The following COX11 variants were observed in gnomAD, a reference collection of about 807,000 sequenced individuals.
COX11 encodes the protein cytochrome c oxidase assembly protein COX11, mitochondrial.
COX11 carries 18 observed loss-of-function variants against 29.4 expected under a neutral mutation model. That is an observed-to-expected ratio of 0.61 (90% CI 0.42 to 0.91). COX11 has a LOEUF of 0.91. COX11 is among the 40% of genes least tolerant of loss of function. The pLI, the probability that COX11 is intolerant of heterozygous loss-of-function variation, is 0.00. For missense variants in COX11, 312 were observed against 346.0 expected (o/e 0.90, Z 0.78); for synonymous variants, 131 against 124.0 (o/e 1.06, Z -0.38).
intron 1 of COX11, among the ~76,000 whole-genome samples, chr17:54,966,536 C>T (rs9915372): frequency 0.014 from 2,204 of 152,218 alleles, 59 homozygotes; most frequent in African/African-American, 0.05. Context: ...AGTAGCATTC[C>T]TAGCCTCTAC....
chr17:54,958,673 T>C (rs564184335), downstream of COX11, among the ~76,000 whole-genome samples: 38 of 136,868 alleles, frequency 2.8e-4, no homozygotes, highest in Middle Eastern at 3.9e-3. Flanking sequence ...GAGGCTGCAG[T>C]GAGCTGAGAT....
At position 54,961,260 on chromosome 17, in the gene COX11, C is replaced by T. The variant is rs762904804; in HGVS notation, c.*1473G>A. 17 of 1,550,654 alleles carry T rather than the reference C, an allele frequency of 1.1e-5. No homozygotes were observed. The South Asian group carries it at 1.7e-4, about 15-fold the overall frequency. On this transcript the variant is annotated 3_prime_UTR_variant, in exon 4 of 4. Transcript: ENST00000299335. ...AAGAAAGTGGATGATCAGCTCACTACCACATCAAAGGTGCCAACTCTCTAA... is the reference window on the plus strand; with the variant it reads ...AAGAAAGTGGATGATCAGCTCACTATCACATCAAAGGTGCCAACTCTCTAA...
Position 54,960,680 on chromosome 17 carries a change from T to C in COX11, c.*2053A>G. On this transcript the variant is annotated 3_prime_UTR_variant, in exon 4 of 4. Transcript: ENST00000299335. ...TTCCATATTCCATATAATTTCAGTA[T>C]AATTATCACTTTACATATTTAGTAT... is the stretch of plus-strand genomic sequence containing the variant. 1 of 1,334,046 alleles carries C rather than the reference T, an allele frequency of 7.5e-7. No homozygotes were observed. Among genetic ancestry groups the C allele is most frequent in the Non-Finnish European group, 1.1e-6 (1 of 928,448 alleles). 82.6% of individuals were successfully genotyped at this position (1,334,046 alleles called of 1,614,324 possible). A position where few individuals can be genotyped will look rare whatever the true frequency, so the allele number is the denominator to read the frequency against.
At chr17:54,962,986 TTA>T in intron 3 of COX11, 71 bp from the exon 4 acceptor site, 1 of 1,341,632 alleles carries the variant, frequency 7.5e-7, no homozygotes, top group East Asian at 2.3e-5. Context: ...TACAGTTCTT[TTA>T]TCTTAGCATT....
exon 1 of COX11, chr17:54,954,332 T>C (rs534569399): frequency 6.6e-6 from 1 of 152,306 alleles, no homozygotes; most frequent in East Asian, 1.9e-4. Context: ...TTTCCAGTTA[T>C]ACAAGTCAAC....
chr17:54,961,438 A>C lies in COX11; in HGVS notation c.*1295T>G. 1 of 1,503,426 alleles carries C rather than the reference A, an allele frequency of 6.7e-7. No individual in the cohort carries two copies. Among genetic ancestry groups the C allele is most frequent in the South Asian group, 1.3e-5 (1 of 78,108 alleles). 93.1% of individuals were successfully genotyped at this position (1,503,426 alleles called of 1,614,324 possible). ...GACAACAGCGTGAGATTTCAACAGAACTTGTTTGGAACAAATACTCACTTA... is the reference window on the plus strand; with the variant it reads ...GACAACAGCGTGAGATTTCAACAGACCTTGTTTGGAACAAATACTCACTTA... On this transcript the variant is annotated 3_prime_UTR_variant, in exon 4 of 4. Transcript: ENST00000299335.
exon 1 of COX11, chr17:54,955,095 G>A (rs544262980): frequency 6.6e-6 from 1 of 152,266 alleles, no homozygotes; most frequent in East Asian, 1.9e-4. Flanking sequence ...ACAGTCTGAG[G>A]GGCTTCCAAA....
chr17:54,964,851 G>C lies in COX11; in HGVS notation c.368C>G (p.Thr123Ser), dbSNP rs1275122448. The C allele has an allele frequency of 6.2e-7, 1 of 1,611,678 alleles. No homozygotes were observed. The highest frequency in any genetic ancestry group is 1.1e-5 in the South Asian group (1 of 90,868). Residue 123 changes from threonine (T) to serine (S), a missense_variant and splice_region_variant, in exon 2 of 4, where the codon ACT becomes AGT. By Grantham distance (58) the Thr-to-Ser change is moderately conservative. Coordinates refer to ENST00000299335, the MANE Select transcript of COX11 (RefSeq NM_004375.5). ...AVPLYRLYCQ[T>S]TGLGGSAVAG... is the part of the protein sequence containing the mutation. Reference sequence around the variant, plus strand: ...AACTGCTGATCCTCCAAGTCCAGTAGTCTAGAAAAAGATACCAAATATGTT... The same window carrying C: ...AACTGCTGATCCTCCAAGTCCAGTACTCTAGAAAAAGATACCAAATATGTT...
chr17:54,965,382 T>G (rs17745279), intron 1 of COX11, among the ~76,000 whole-genome samples: 42,414 of 152,150 alleles, frequency 0.28, 6,131 homozygotes, highest in South Asian at 0.31. Context: ...ACAGGTATTT[T>G]CCCACGTTGG....
upstream of COX11, chr17:54,968,754 C>T (rs1487178650): frequency 5.2e-6 from 7 of 1,335,552 alleles, no homozygotes; most frequent in East Asian, 1.6e-4. Flanking sequence ...GCCTTGGCTA[C>T]CAGGCTCCTC....
At chr17:54,957,425 T>A (rs988426147), downstream of COX11, 1 of 152,240 alleles carries the variant, frequency 6.6e-6, no homozygotes, top group Non-Finnish European at 1.5e-5. Context: ...GTTTTTTTAA[T>A]CAGTTTCTCC....
intron 1 of COX11, among the ~76,000 whole-genome samples, chr17:54,966,773 C>T (rs1184540395): frequency 6.6e-6 from 1 of 152,196 alleles, no homozygotes; most frequent in East Asian, 1.9e-4. Flanking sequence ...ACATTCTATA[C>T]TCATCCTCAA....
upstream of COX11, chr17:54,968,772 A>G: frequency 3.5e-6 from 4 of 1,148,386 alleles, no homozygotes; most frequent in Non-Finnish European, 4.9e-6. Context: ...CTCAGGTGGC[A>G]GCGCTTGCAG....
chr17:54,963,155 G>T, intron 3 of COX11, 151 bp downstream of exon 3: 2 of 894,738 alleles, frequency 2.2e-6, no homozygotes, highest in Non-Finnish European at 3.4e-6. Context: ...CTCAATCTCT[G>T]CATAGCAGGT....
upstream of COX11, chr17:54,968,670 C>G: frequency 6.3e-7 from 1 of 1,590,784 alleles, no homozygotes; most frequent in Non-Finnish European, 8.6e-7. Flanking sequence ...AACACCCACC[C>G]GCCTCTCAGG....
chr17:54,955,831 G>C (rs984008911), downstream of COX11, among the ~76,000 whole-genome samples: 3 of 152,194 alleles, frequency 2.0e-5, no homozygotes, highest in Non-Finnish European at 4.4e-5. Context: ...CTGCTTCAAA[G>C]CAGCACCGAG....
downstream of COX11, chr17:54,957,755 G>A (rs2076983621): frequency 6.6e-6 from 1 of 152,168 alleles, no homozygotes; most frequent in African/African-American, 2.4e-5. Context: ...AGGACAAACA[G>A]TATGTTTATG....
chr17:54,964,954 G>A (rs1567857112), intron 1 of COX11, 102 bp from the exon 2 acceptor site: 2 of 1,177,360 alleles, frequency 1.7e-6, no homozygotes, highest in African/African-American at 1.6e-5. Context: ...AATCCATTTG[G>A]AGCCAAGTTT....
chr17:54,967,544 A>T (rs1038553749), intron 1 of COX11, among the ~76,000 whole-genome samples: 1 of 152,098 alleles, frequency 6.6e-6, no homozygotes, highest in African/African-American at 2.4e-5. Context: ...CAACTACAGG[A>T]CTTAACTAAA....
Sources: allele counts gnomAD v4.1 joint callset (sites outside exome capture counted in the v4.1 genomes callset), GRCh38; gene constraint gnomAD v4.1.1; transcripts MANE v1.5; gene names NCBI Gene and HGNC (gene_info 2026-07-23, HGNC 2026-07-21).